The following CCNG2 variants were observed in gnomAD, a reference collection of about 807,000 sequenced individuals.
CCNG2 encodes the protein cyclin-G2.
A neutral mutation model predicts 36.5 loss-of-function variants in CCNG2; 20 were observed. That is an observed-to-expected ratio of 0.55 (90% confidence interval 0.39 to 0.80). The LOEUF is 0.80. CCNG2 is among the 30% of genes least tolerant of loss of function. The pLI is 0.00. For missense variants in CCNG2, 358 were observed against 390.8 expected (o/e 0.92, Z 0.71); for synonymous variants, 155 against 140.1 (o/e 1.11, Z -0.75).
In CCNG2 at chr4:77,164,672, C is replaced by A. The variant is rs1021079542; in HGVS notation, c.911+193C>A. The A allele has an allele frequency of 6.0e-6, 3 of 497,784 alleles. No homozygotes were observed. The Admixed American group carries it at 1.1e-4, about 18-fold the overall frequency. 30.8% of individuals were successfully genotyped at this position (497,784 alleles called of 1,614,324 possible). A position where few individuals can be genotyped will look rare whatever the true frequency, so the allele number is the denominator to read the frequency against. On this transcript the variant is annotated intron_variant, in intron 7 of 7. Coordinates refer to ENST00000316355, the MANE Select transcript of CCNG2 (RefSeq NM_004354.3). ...TTTAATATGTAATGATTTATAAGGT[C>A]CTCTCCAATTTTTTTAGTTTTTTTC... is the stretch of plus-strand genomic sequence containing the variant.
In CCNG2 at chr4:77,160,984, A is replaced by T. The variant is rs1166046642; in HGVS notation, c.527+13A>T. On this transcript the variant is annotated intron_variant, in intron 4 of 7. Transcript: ENST00000316355. ...ATACTTCAGAAAGGTCAGTGGGATT[A>T]AAGATACATTTTGTACTTTGAACAT... The T allele has an allele frequency of 6.3e-7, 1 of 1,585,304 alleles. No homozygotes were observed. The highest frequency in any genetic ancestry group is 1.1e-5 in the South Asian group (1 of 89,866).
intron 3 of CCNG2, among the ~76,000 whole-genome samples, chr4:77,159,846 A>G (rs1167911555): frequency 6.6e-6 from 1 of 152,246 alleles, no homozygotes. Context: ...GATTTTTAAA[A>G]TACTGAAGCA....
chr4:77,165,770 A>G, intron 7 of CCNG2, 31 bp from the exon 8 acceptor site: 1 of 1,526,374 alleles, frequency 6.6e-7, no homozygotes, highest in Non-Finnish European at 8.8e-7. Flanking sequence ...AAGTAATGGT[A>G]TCCTCTTTTT....
At chr4:77,159,325 T>C in intron 2 of CCNG2, 42 bp from the exon 3 acceptor site, 1 of 1,577,028 alleles carries the variant, frequency 6.3e-7, no homozygotes, top group South Asian at 1.2e-5. Context: ...TTCATCTGGT[T>C]CTAAGAAAAT....
chr4:77,158,678 G>A lies in CCNG2; in HGVS notation c.138+8G>A. 6.2e-7 allele frequency: 1 copy of A among 1,613,836 alleles called. No individual in the cohort carries two copies. Among genetic ancestry groups the A allele is most frequent in the African/African-American group, 1.3e-5 (1 of 74,796 alleles). ...ATTGAGGCTACCCCGGAGGTAAGTT[G>A]GCAGAAAAGATAACTTGCTCAAGCA... On this transcript the variant is annotated splice_region_variant and intron_variant, in intron 2 of 7. Transcript: ENST00000316355.
rs1383239273 is a variant in CCNG2 at position 77,169,444 on chromosome 4, T to C, written c.*3520T>C. On this transcript the variant is annotated 3_prime_UTR_variant, in exon 8 of 8. Coordinates refer to ENST00000316355, the MANE Select transcript of CCNG2 (RefSeq NM_004354.3). ...TGTGATAGATAGTTTCCCAGTATGA[T>C]GGCCAGTCAGTCTTTCCATCCCTGT... 2.0e-5 allele frequency: 3 copies of C among 152,242 alleles called. No homozygotes were observed. The highest frequency in any genetic ancestry group is 2.9e-5 in the Non-Finnish European group (2 of 68,052). 9.4% of individuals were successfully genotyped at this position (152,242 alleles called of 1,614,324 possible).
Position 77,167,103 on chromosome 4 carries a change from GACTT to G in CCNG2, c.*1182_*1185del, listed in dbSNP as rs1731651663. 1 of 152,126 alleles carries G rather than the reference GACTT, an allele frequency of 6.6e-6. No homozygotes were observed. Among genetic ancestry groups the G allele is most frequent in the East Asian group, 1.9e-4 (1 of 5,192 alleles). The allele number at this position is 152,126 out of a possible 1,614,324, so 9.4% of individuals were successfully genotyped here. ...TCTGTAGTATAAATCATACATTGAT[GACTT>G]ACATTTTTACTGGTAAGTCAACATC... On this transcript the variant is annotated 3_prime_UTR_variant, in exon 8 of 8. Transcript: ENST00000316355.
chr4:77,161,090 T>C, intron 4 of CCNG2, 119 bp downstream of exon 4: 2 of 679,622 alleles, frequency 2.9e-6, no homozygotes, highest in East Asian at 3.0e-5. Flanking sequence ...TTTGACTTTA[T>C]TGGTAAATCT....
chr4:77,165,775 C>T, intron 7 of CCNG2, 26 bp from the exon 8 acceptor site: 1 of 1,529,008 alleles, frequency 6.5e-7, no homozygotes, highest in Middle Eastern at 1.8e-4. Flanking sequence ...ATGGTATCCT[C>T]TTTTTTTGTC....
intron 2 of CCNG2, 55 bp from the exon 3 acceptor site, chr4:77,159,311 GT>G: frequency 2.6e-6 from 4 of 1,541,264 alleles, no homozygotes; most frequent in Non-Finnish European, 2.6e-6. Flanking sequence ...ACCTGTATGT[GT>G]TTTTCATCTG....
intron 4 of CCNG2, 67 bp downstream of exon 4, chr4:77,161,038 T>G: frequency 8.5e-7 from 1 of 1,178,394 alleles, no homozygotes. Flanking sequence ...ATAATTGGAA[T>G]GGCAATGAAA....
At chr4:77,160,533 G>GGGC (rs1553894295) in intron 3 of CCNG2, among the ~76,000 whole-genome samples, 188 bp from the exon 4 acceptor site, 2 of 128,290 alleles carry the variant, frequency 1.6e-5, no homozygotes, top group African/African-American at 2.8e-5. Context: ...TTTTTTTTTG[G>GGGC]GGGGGGGGGG....
chr4:77,159,236 A>G lies in CCNG2; in HGVS notation c.139-131A>G, dbSNP rs1731360330. On this transcript the variant is annotated intron_variant, in intron 2 of 7. Coordinates refer to ENST00000316355, the MANE Select transcript of CCNG2 (RefSeq NM_004354.3). ...AAGCGATACCACTCTTTCCACCTAT[A>G]TTCTTGAAGATTGAGGGAAAAAAAT... The G allele has an allele frequency of 9.7e-6, 7 of 725,186 alleles. 1 individual carries two copies. In the Admixed American group the frequency reaches 1.2e-4, roughly 12 times the overall value. 44.9% of individuals were successfully genotyped at this position (725,186 alleles called of 1,614,324 possible). A position where few individuals can be genotyped will look rare whatever the true frequency, so the allele number is the denominator to read the frequency against.
chr4:77,165,994 C>G lies in CCNG2; in HGVS notation c.*70C>G. 1 of 1,442,734 alleles carries G rather than the reference C, an allele frequency of 6.9e-7. No individual in the cohort carries two copies. The highest frequency in any genetic ancestry group is 9.4e-7 in the Non-Finnish European group (1 of 1,068,808). 89.4% of individuals were successfully genotyped at this position (1,442,734 alleles called of 1,614,324 possible). ...CAATAAATGGGGGAATAGGTAGTTT[C>G]CTGGTTTAGCCCCCATCTAGTCAGG... On this transcript the variant is annotated 3_prime_UTR_variant, in exon 8 of 8. Coordinates refer to ENST00000316355, the MANE Select transcript of CCNG2 (RefSeq NM_004354.3).
In CCNG2 at chr4:77,157,306, G is replaced by C. The variant is rs193253761; in HGVS notation, c.-201G>C. On this transcript the variant is annotated 5_prime_UTR_variant, in exon 1 of 8. Transcript: ENST00000316355. Reference sequence around the variant, plus strand: ...GCGGCCGGCGTTGCGCCGCGGCGGAGGGTGGGCGCGCGGGGAGCGGGATGG... The same window carrying C: ...GCGGCCGGCGTTGCGCCGCGGCGGACGGTGGGCGCGCGGGGAGCGGGATGG... 6.5e-6 allele frequency: 1 copy of C among 152,688 alleles called. No individual in the cohort carries two copies. Among genetic ancestry groups the C allele is most frequent in the Non-Finnish European group, 1.5e-5 (1 of 68,340 alleles). The allele number at this position is 152,688 out of a possible 1,614,324, so 9.5% of individuals were successfully genotyped here.
At position 77,161,735 on chromosome 4, in the gene CCNG2, A is replaced by G. The variant is rs750685718; in HGVS notation, c.693A>G (p.Lys231=). Residue 231 remains lysine, a synonymous_variant, in exon 6 of 8, where the codon AAA becomes AAG. Coordinates refer to ENST00000316355, the MANE Select transcript of CCNG2 (RefSeq NM_004354.3). Reference sequence around the variant, plus strand: ...TACTGGAAATTCTCTTGCTAGTTAAAAAACATTCCAAGGTAATTACAGTCA... The same window carrying G: ...TACTGGAAATTCTCTTGCTAGTTAAGAAACATTCCAAGGTAATTACAGTCA... ...VELLEILLLV[K]KHSKINDTEF... The G allele has an allele frequency of 6.3e-7, 1 of 1,593,416 alleles. No homozygotes were observed. Among genetic ancestry groups the G allele is most frequent in the South Asian group, 1.1e-5 (1 of 87,132 alleles).
At chr4:77,159,322 G>C (rs1275263418) in intron 2 of CCNG2, 45 bp from the exon 3 acceptor site, 3 of 1,567,164 alleles carry the variant, frequency 1.9e-6, no homozygotes, top group Non-Finnish European at 2.6e-6. Context: ...TTTTTCATCT[G>C]GTTCTAAGAA....
At chr4:77,160,531 T>TGGGGGGG (rs555537901) in intron 3 of CCNG2, among the ~76,000 whole-genome samples, 190 bp from the exon 4 acceptor site, 17 of 107,366 alleles carry the variant, frequency 1.6e-4, no homozygotes, top group African/African-American at 6.5e-4. Context: ...CCTTTTTTTT[T>TGGGGGGG]GGGGGGGGGG....
Position 77,157,253 on chromosome 4 carries a change from CGGGGGTGCGGCGGT to C in CCNG2, c.-250_-237del, listed in dbSNP as rs1731278510. 1.3e-5 allele frequency: 2 copies of C among 151,488 alleles called. No individual in the cohort carries two copies. The highest frequency in any genetic ancestry group is 6.6e-5 in the Admixed American group (1 of 15,232). The allele number at this position is 151,488 out of a possible 1,614,324, so 9.4% of individuals were successfully genotyped here. ...CTCGGGGAGGTTTCCGCTGAGGCGG[CGGGGGTGCGGCGGT>C]GGGCTGGTCTTCCGCGGCCGGCGTT... is the stretch of plus-strand genomic sequence containing the variant. On this transcript the variant is annotated 5_prime_UTR_variant, in exon 1 of 8. Transcript: ENST00000316355.
Sources: allele counts gnomAD v4.1 joint callset (sites outside exome capture counted in the v4.1 genomes callset), GRCh38; gene constraint gnomAD v4.1.1; transcripts MANE v1.5; gene names NCBI Gene and HGNC (gene_info 2026-07-23, HGNC 2026-07-21).